ADGRV1: variants seen among roughly 807,000 people sequenced by gnomAD.
The protein encoded by ADGRV1 is G-protein coupled receptor 98.
ADGRV1 carries 359 observed loss-of-function variants against 596.2 expected under a neutral mutation model. That is an observed-to-expected ratio of 0.60 (90% CI 0.55 to 0.66). ADGRV1 has a LOEUF of 0.66. ADGRV1 is among the 30% of genes least tolerant of loss of function. The pLI, the probability that ADGRV1 is intolerant of heterozygous loss-of-function variation, is 0.00. For synonymous variants in ADGRV1, 2,681 were observed against 2,679.2 expected (o/e 1.00, Z -0.02); for missense variants, 7,274 against 7,575.6 (o/e 0.96, Z 1.48).
intron 83 of ADGRV1, among the ~76,000 whole-genome samples, chr5:90,896,864 A>G (rs1021040138): frequency 1.3e-5 from 2 of 152,204 alleles, no homozygotes; most frequent in African/African-American, 4.8e-5. Flanking sequence ...CCAGCACAAG[A>G]CAGCATTAAT....
intron 87 of ADGRV1, among the ~76,000 whole-genome samples, chr5:91,143,266 C>CT (rs1795253312): frequency 6.6e-6 from 1 of 152,228 alleles, no homozygotes; most frequent in South Asian, 2.1e-4. Context: ...GGAGCCACAG[C>CT]TCTTCTCTCC....
intron 59 of ADGRV1, among the ~76,000 whole-genome samples, chr5:90,770,092 C>T (rs2150045628): frequency 6.6e-6 from 1 of 152,238 alleles, no homozygotes; most frequent in South Asian, 2.1e-4. Context: ...ATACTCAAGA[C>T]TGGGTAATTT....
chr5:90,733,769 A>C (rs1471110712), intron 50 of ADGRV1, among the ~76,000 whole-genome samples: 2 of 152,170 alleles, frequency 1.3e-5, no homozygotes, highest in Non-Finnish European at 2.9e-5. Flanking sequence ...TCCATCACTT[A>C]CTTAACATTT....
intron 1 of ADGRV1, among the ~76,000 whole-genome samples, chr5:90,596,862 A>C (rs1027437226): frequency 2.6e-5 from 4 of 152,122 alleles, no homozygotes; most frequent in Non-Finnish European, 4.4e-5. Context: ...AGGGAGAGGG[A>C]GAGTGAGAGC....
chr5:90,627,917 G>C (rs1422014074), intron 7 of ADGRV1, 141 bp downstream of exon 7: 36 of 230,322 alleles, frequency 1.6e-4, no homozygotes, highest in South Asian at 6.1e-4. Flanking sequence ...ACTCAGAAAA[G>C]ACACACACAC....
intron 85 of ADGRV1, among the ~76,000 whole-genome samples, chr5:91,023,687 G>A (rs1460034572): frequency 2.0e-5 from 3 of 152,064 alleles, no homozygotes; most frequent in Non-Finnish European, 4.4e-5. Context: ...TGATGGGCAG[G>A]GAACTCAGGG....
rs78406523 is a variant in ADGRV1 at position 90,954,118 on chromosome 5, C to T, written c.17857-11297C>T. 6.9e-3 allele frequency among the ~76,000 whole-genome samples: 1,035 copies of T among 149,984 alleles called. 12 individuals are homozygous for T. Among genetic ancestry groups the T allele is most frequent in the African/African-American group, 0.024 (981 of 40,910 alleles). ...GATAACAAAATATATTAGATATCCA[C>T]ATGTCATGTAAAACCTTGTGTAAAA... On this transcript the variant is annotated intron_variant, in intron 83 of 89. Coordinates refer to ENST00000405460, the MANE Select transcript of ADGRV1 (RefSeq NM_032119.4).
chr5:91,066,866 GAGA>G (rs1787926999), intron 85 of ADGRV1, among the ~76,000 whole-genome samples: 1 of 152,222 alleles, frequency 6.6e-6, no homozygotes, highest in African/African-American at 2.4e-5. Flanking sequence ...GCTGTAGATA[GAGA>G]AGAAGGCAAG....
chr5:91,069,608 A>G (rs927840617), intron 85 of ADGRV1, among the ~76,000 whole-genome samples: 3 of 152,206 alleles, frequency 2.0e-5, no homozygotes, highest in Admixed American at 6.5e-5. Context: ...GCCAAAAAAC[A>G]ACAGATATTG....
chr5:91,022,278 G>A (rs925912302), intron 85 of ADGRV1, among the ~76,000 whole-genome samples: 3 of 151,956 alleles, frequency 2.0e-5, no homozygotes, highest in Non-Finnish European at 2.9e-5. Context: ...ATCTTCATGA[G>A]TAGAATTTAT....
intron 8 of ADGRV1, 70 bp downstream of exon 8, chr5:90,628,902 T>C: frequency 7.1e-7 from 1 of 1,409,290 alleles, no homozygotes; most frequent in Non-Finnish European, 9.6e-7. Flanking sequence ...AATTTGGTCA[T>C]ACACATCAAC....
chr5:91,151,290 A>G (rs1296217157), intron 88 of ADGRV1, among the ~76,000 whole-genome samples: 1 of 152,168 alleles, frequency 6.6e-6, no homozygotes, highest in East Asian at 1.9e-4. Context: ...TACTATATAT[A>G]TTTTTAGTTT....
chr5:90,913,186 G>T (rs1229268543), intron 83 of ADGRV1, among the ~76,000 whole-genome samples: 1 of 152,144 alleles, frequency 6.6e-6, no homozygotes, highest in Non-Finnish European at 1.5e-5. Flanking sequence ...GGCCTTCTCA[G>T]TGATTAGATA....
rs1580766795 is a variant in ADGRV1 at position 90,694,345 on chromosome 5, A to T, written c.7589A>T (p.Asp2530Val). 1 of 1,613,982 alleles carries T rather than the reference A, an allele frequency of 6.2e-7. No individual in the cohort carries two copies. The highest frequency in any genetic ancestry group is 2.2e-5 in the East Asian group (1 of 44,886). The change falls in exon 33 of 90, where the codon GAT (aspartate) becomes GTT (valine). Residue 2530 changes from aspartate (D) to valine (V), a missense_variant. Asp to Val is a radical substitution (Grantham distance 152). This residue lies in a region of ADGRV1 where 3,643 missense variants were observed against 3,809.2 expected (regional missense o/e 0.96). Transcript: ENST00000405460. Reference sequence around the variant, plus strand: ...CTCACAGTGTCTATTCTTCCTGATGATTTCCCAGAGATGGATGAGAGTTTT... The same window carrying T: ...CTCACAGTGTCTATTCTTCCTGATGTTTTCCCAGAGATGGATGAGAGTTTT... Reference protein sequence around the residue: ...ANLTVSILPDDFPEMDESFLI... With the variant: ...ANLTVSILPDVFPEMDESFLI...
intron 89 of ADGRV1, among the ~76,000 whole-genome samples, chr5:91,158,212 A>C (rs1405367058): frequency 6.6e-6 from 1 of 152,218 alleles, no homozygotes. Context: ...GCAGGCCTCC[A>C]ATCTCTCCTT....
At position 90,653,741 on chromosome 5, in the gene ADGRV1, AAACG is replaced by A. The variant is rs771250876; in HGVS notation, c.4170_4173del (p.Glu1391ProfsTer3). ...TCTACTACGGGGTAAAAATACAAAC[AAACG>A]AATCCCATGTGACACTTTCCCTTCA... is the stretch of plus-strand genomic sequence containing the variant. On this transcript the variant is annotated frameshift_variant, in exon 20 of 90. Coordinates refer to ENST00000405460, the MANE Select transcript of ADGRV1 (RefSeq NM_032119.4). LOFTEE classifies it high-confidence loss of function. The A allele has an allele frequency of 6.2e-7, 1 of 1,613,008 alleles. No homozygotes were observed. Among genetic ancestry groups the A allele is most frequent in the South Asian group, 1.1e-5 (1 of 90,820 alleles).
Position 90,745,634 on chromosome 5 carries a change from A to G in ADGRV1, c.10813A>G (p.Ile3605Val), listed in dbSNP as rs1174029549. The G allele has an allele frequency of 1.9e-6, 3 of 1,612,788 alleles. No individual in the cohort carries two copies. Among genetic ancestry groups the G allele is most frequent in the African/African-American group, 1.3e-5 (1 of 74,902 alleles). ...TGAACCTGGTGAGAGAGAAGCTACA[A>G]TAGCAGTAAATATCCTTGATGATAC... ...IFEPGEREATIAVNILDDTVP... is the reference protein window; with the variant it reads ...IFEPGEREATVAVNILDDTVP... The change falls in exon 52 of 90, where the codon ATA becomes GTA. Residue 3605 changes from isoleucine (I) to valine (V), a missense_variant. By Grantham distance (29) the Ile-to-Val change is conservative (BLOSUM62 3). Around this residue, in one of 5 missense-constraint regions of ADGRV1, gnomAD observed 3,643 missense variants for 3,809.2 expected, o/e 0.96. Transcript: ENST00000405460.
rs996819913 is a variant in ADGRV1 at position 91,002,072 on chromosome 5, A to G, written c.18152+16550A>G. On this transcript the variant is annotated intron_variant, in intron 85 of 89. Transcript: ENST00000405460. The stretch of plus-strand genomic sequence containing the variant: ...TTAGTTAAATTTTTTCTTCACCTTC[A>G]TGAATGCTTATAGATCTTAATATTT... Among the ~76,000 whole-genome samples, 3 of 152,136 alleles carry G rather than the reference A, an allele frequency of 2.0e-5. 1 individual carries two copies. The highest frequency in any genetic ancestry group is 4.4e-5 in the Non-Finnish European group (3 of 68,028).
intron 85 of ADGRV1, among the ~76,000 whole-genome samples, chr5:90,989,498 C>A (rs1488216612): frequency 6.6e-6 from 1 of 152,168 alleles, no homozygotes; most frequent in Non-Finnish European, 1.5e-5. Context: ...CTCATTTCAA[C>A]CATCATCTCT....
Sources: gnomAD v4.1 joint callset for allele counts (sites outside exome capture counted in the v4.1 genomes callset) on GRCh38, gnomAD v4.1.1 for gene constraint, gnomAD v4.1.1 regional missense constraint, MANE v1.5 for transcripts, NCBI Gene and HGNC (gene_info 2026-07-23, HGNC 2026-07-21) for gene names.